The following KCNQ5 variants were observed in gnomAD, a reference collection of about 807,000 sequenced individuals.
The protein encoded by KCNQ5 is potassium voltage-gated channel subfamily KQT member 5.
In KCNQ5, 30 loss-of-function variants were observed where a neutral mutation model predicts 98.2. That is an observed-to-expected ratio of 0.31 (90% CI 0.23 to 0.41). KCNQ5 has a LOEUF of 0.41. Among genes scored for constraint, KCNQ5 ranks in the 10% least tolerant of loss-of-function variants. The pLI, the probability that KCNQ5 is intolerant of heterozygous loss-of-function variation, is 1.00. For synonymous variants in KCNQ5, 458 were observed against 449.4 expected (o/e 1.02, Z -0.24); for missense variants, 835 against 1,182.5 (o/e 0.71, Z 4.31).
intron 1 of KCNQ5, among the ~76,000 whole-genome samples, chr6:72,737,938 A>G (rs1770931939): frequency 6.6e-6 from 1 of 152,154 alleles, no homozygotes; most frequent in Admixed American, 6.5e-5. Context: ...GGTGGATCAC[A>G]AGGTCAGGAG....
At chr6:72,808,037 T>G (rs1775041229) in intron 1 of KCNQ5, among the ~76,000 whole-genome samples, 1 of 152,050 alleles carries the variant, frequency 6.6e-6, no homozygotes, top group Non-Finnish European at 1.5e-5. Context: ...AAAGAAGAGT[T>G]AGGAGGAGAC....
chr6:72,815,619 G>A (rs1775469996), intron 1 of KCNQ5, among the ~76,000 whole-genome samples: 1 of 152,210 alleles, frequency 6.6e-6, no homozygotes, highest in African/African-American at 2.4e-5. Context: ...TGCAGGCAAT[G>A]AGGATCCGAG....
chr6:72,961,773 G>GT (rs1376606550), intron 1 of KCNQ5, among the ~76,000 whole-genome samples: 5 of 152,118 alleles, frequency 3.3e-5, no homozygotes, highest in African/African-American at 9.7e-5. Flanking sequence ...ATCCATTCAG[G>GT]TAATTGTGCA....
At chr6:72,855,075 A>G (rs1582416398) in intron 1 of KCNQ5, among the ~76,000 whole-genome samples, 1 of 152,014 alleles carries the variant, frequency 6.6e-6, no homozygotes, top group African/African-American at 2.4e-5. Context: ...AAGAAACAGC[A>G]CCAAGCCTCA....
At chr6:73,060,264 C>G (rs1365804613) in intron 3 of KCNQ5, among the ~76,000 whole-genome samples, 1 of 152,150 alleles carries the variant, frequency 6.6e-6, no homozygotes, top group Non-Finnish European at 1.5e-5. Flanking sequence ...ATTATTTTCT[C>G]AAAGTTAGAA....
In KCNQ5 at chr6:72,983,726, G is replaced by A. The variant is rs141961973; in HGVS notation, c.399-20182G>A. Among the ~76,000 whole-genome samples, 329 of 152,250 alleles carry A rather than the reference G, an allele frequency of 2.2e-3. 1 individual carries two copies. Among genetic ancestry groups the A allele is most frequent in the African/African-American group, 7.4e-3 (307 of 41,552 alleles). ...AGTTTTGTTCCATTGCTGGTGAGGC[G>A]CTGCGATCCTTTGGAGGAGAAGAGG... On this transcript the variant is annotated intron_variant, in intron 1 of 13. Coordinates refer to ENST00000370398, the MANE Select transcript of KCNQ5 (RefSeq NM_019842.4).
chr6:72,670,957 T>G (rs1328553373), intron 1 of KCNQ5, among the ~76,000 whole-genome samples: 2 of 152,082 alleles, frequency 1.3e-5, no homozygotes, highest in Non-Finnish European at 2.9e-5. Context: ...GGTTGGATAT[T>G]CAATATTCAA....
chr6:72,754,081 G>A (rs1450519833), intron 1 of KCNQ5, among the ~76,000 whole-genome samples: 2 of 152,034 alleles, frequency 1.3e-5, no homozygotes, highest in African/African-American at 4.8e-5. Context: ...GGAATAATGA[G>A]AGCATTCTTG....
intron 2 of KCNQ5, among the ~76,000 whole-genome samples, chr6:73,005,946 T>C (rs1413827688): frequency 1.3e-5 from 2 of 152,248 alleles, no homozygotes; most frequent in African/African-American, 2.4e-5. Flanking sequence ...GAGCTAAGAT[T>C]CACAGATGAA....
At chr6:73,138,482 T>A (rs956667600) in intron 10 of KCNQ5, among the ~76,000 whole-genome samples, 2 of 152,188 alleles carry the variant, frequency 1.3e-5, no homozygotes, top group Admixed American at 1.3e-4. Flanking sequence ...TTTAGGGAGC[T>A]CCACCTTACA....
intron 1 of KCNQ5, among the ~76,000 whole-genome samples, chr6:72,837,606 A>G (rs1273109852): frequency 6.6e-6 from 1 of 152,194 alleles, no homozygotes; most frequent in Non-Finnish European, 1.5e-5. Flanking sequence ...AATCCATCAA[A>G]TGTAAAAGGC....
chr6:72,786,004 G>C (rs1032791188), intron 1 of KCNQ5, among the ~76,000 whole-genome samples: 4 of 151,972 alleles, frequency 2.6e-5, no homozygotes, highest in East Asian at 1.9e-4. Flanking sequence ...AAAGTTTTCT[G>C]TTATTTACAT....
Position 72,655,026 on chromosome 6 carries a change from GTCTTTCTTTCTTTCTT to G in KCNQ5, c.398+32495_398+32510del, listed in dbSNP as rs55711635. 8.3e-3 allele frequency among the ~76,000 whole-genome samples: 878 copies of G among 105,856 alleles called. 6 individuals carry two copies. Among genetic ancestry groups the G allele is most frequent in the Middle Eastern group, 0.043 (9 of 210 alleles). The allele number at this position is 105,856 out of a possible 152,430, so 69.4% of individuals were successfully genotyped here. On this transcript the variant is annotated intron_variant, in intron 1 of 13. Coordinates refer to ENST00000370398, the MANE Select transcript of KCNQ5 (RefSeq NM_019842.4). The stretch of plus-strand genomic sequence containing the variant: ...CATGTTTAATAGCCAAGGTCTGTCT[GTCTTTCTTTCTTTCTT>G]TCTTTCTTTCTTTCTTTCTTTCTTT...
intron 1 of KCNQ5, among the ~76,000 whole-genome samples, chr6:72,908,142 G>T (rs182439277): frequency 9.3e-4 from 142 of 152,040 alleles, no homozygotes; most frequent in Admixed American, 2.5e-3. Flanking sequence ...TGAAAATTTG[G>T]AACATTTAAA....
At chr6:72,910,945 A>G (rs557485925) in intron 1 of KCNQ5, among the ~76,000 whole-genome samples, 1 of 152,240 alleles carries the variant, frequency 6.6e-6, no homozygotes, top group African/African-American at 2.4e-5. Flanking sequence ...GGATAAGTGA[A>G]AGAGAGGCCT....
At chr6:73,188,774 G>T (rs1472252663) in intron 11 of KCNQ5, among the ~76,000 whole-genome samples, 1 of 152,050 alleles carries the variant, frequency 6.6e-6, no homozygotes, top group Admixed American at 6.6e-5. Context: ...CACAAGGTCA[G>T]AAGTTCGAGA....
intron 1 of KCNQ5, among the ~76,000 whole-genome samples, chr6:72,856,988 A>C (rs774346543): frequency 1.3e-5 from 2 of 152,220 alleles, no homozygotes; most frequent in Non-Finnish European, 2.9e-5. Context: ...TATCAGGCCC[A>C]GAATAGGGGA....
chr6:73,006,094 GTATAT>G (rs1233795166), intron 2 of KCNQ5, among the ~76,000 whole-genome samples: 2 of 152,116 alleles, frequency 1.3e-5, no homozygotes, highest in Admixed American at 1.3e-4. Flanking sequence ...AGTTAACATA[GTATAT>G]TATAAAAGTT....
intron 5 of KCNQ5, among the ~76,000 whole-genome samples, chr6:73,091,985 T>C (rs961261766): frequency 5.3e-5 from 8 of 152,176 alleles, no homozygotes; most frequent in African/African-American, 1.9e-4. Context: ...TTCCATTTGT[T>C]TGTGTCATCT....
Sources: allele counts gnomAD v4.1 joint callset (sites outside exome capture counted in the v4.1 genomes callset), GRCh38; gene constraint gnomAD v4.1.1; transcripts MANE v1.5; gene names NCBI Gene and HGNC (gene_info 2026-07-23, HGNC 2026-07-21).